The following KPNA4 variants were observed in gnomAD, a reference collection of about 807,000 sequenced individuals.
The protein encoded by KPNA4 is karyopherin subunit alpha 4.
In KPNA4, 13 loss-of-function variants were observed where a neutral mutation model predicts 71.3. The observed-to-expected ratio is 0.18, with a 90% CI of 0.12 to 0.29. The LOEUF is 0.29. Ranked by LOEUF, KPNA4 falls within the 10% of genes least tolerant of loss-of-function variation. KPNA4 has a pLI of 1.00. For synonymous variants in KPNA4, 189 were observed against 195.2 expected (o/e 0.97, Z 0.26); for missense variants, 334 against 603.2 (o/e 0.55, Z 4.67).
chr3:160,502,076 C>A lies in KPNA4; in HGVS notation c.*28G>T. 9.9e-7 allele frequency: 1 copy of A among 1,008,328 alleles called. No homozygotes were observed. The highest frequency in any genetic ancestry group is 1.5e-6 in the Non-Finnish European group (1 of 649,784). The allele number at this position is 1,008,328 out of a possible 1,614,324, so 62.5% of individuals were successfully genotyped here. ...TATATATATATATATCTCAGTGCTG[C>A]ATTGTACCTAACTTCCACAACATCT... is the stretch of plus-strand genomic sequence containing the variant. On this transcript the variant is annotated 3_prime_UTR_variant, in exon 17 of 17. Coordinates refer to ENST00000334256, the MANE Select transcript of KPNA4 (RefSeq NM_002268.5).
chr3:160,497,528 A>G lies in KPNA4; in HGVS notation c.*4576T>C, dbSNP rs767222346. On this transcript the variant is annotated 3_prime_UTR_variant, in exon 17 of 17. Coordinates refer to ENST00000334256, the MANE Select transcript of KPNA4 (RefSeq NM_002268.5). ...TATATATTTAAAAGCATACTTTATT[A>G]ATGTGCTTATTAAAAAGTTTAGGGA... 9 of 152,216 alleles carry G rather than the reference A, an allele frequency of 5.9e-5. No homozygotes were observed. The highest frequency in any genetic ancestry group is 1.2e-4 in the Non-Finnish European group (8 of 68,038). The allele number at this position is 152,216 out of a possible 1,614,324, so 9.4% of individuals were successfully genotyped here.
chr3:160,535,409 A>T (rs933511728), intron 5 of KPNA4, 104 bp downstream of exon 5: 2 of 695,468 alleles, frequency 2.9e-6, no homozygotes, highest in African/African-American at 3.6e-5. Flanking sequence ...ATTGTTTGTC[A>T]TCAAGTTAAA....
intron 1 of KPNA4, among the ~76,000 whole-genome samples, chr3:160,559,311 A>T (rs1262879259): frequency 6.6e-6 from 1 of 152,188 alleles, no homozygotes. Flanking sequence ...TCCCAGAGAA[A>T]GTTAGAATTT....
In KPNA4 at chr3:160,519,231, C is replaced by T. The variant is rs562027761; in HGVS notation, c.903+2548G>A. ...TGAATGTCTTTCCATTTATTTAGGTCTTCTTTAATGTTTTCCAAAAATGTT... is the reference window on the plus strand; with the variant it reads ...TGAATGTCTTTCCATTTATTTAGGTTTTCTTTAATGTTTTCCAAAAATGTT... On this transcript the variant is annotated intron_variant, in intron 11 of 16. Transcript: ENST00000334256. Among the ~76,000 whole-genome samples, 3 of 152,214 alleles carry T rather than the reference C, an allele frequency of 2.0e-5. No individual in the cohort carries two copies. In the East Asian group the frequency reaches 5.8e-4, roughly 29 times the overall value.
In KPNA4 at chr3:160,551,943, G is replaced by T. The variant is rs1047224297; in HGVS notation, c.69+13271C>A. Reference sequence around the variant, plus strand: ...ACTGTTCTTGGTTGTCACAACTGGGGGGGGGGGGGTGATGTGCTACTGACA... The same window carrying T: ...ACTGTTCTTGGTTGTCACAACTGGGTGGGGGGGGGTGATGTGCTACTGACA... On this transcript the variant is annotated intron_variant, in intron 1 of 16. Coordinates refer to ENST00000334256, the MANE Select transcript of KPNA4 (RefSeq NM_002268.5). 8.3e-5 allele frequency among the ~76,000 whole-genome samples: 12 copies of T among 144,932 alleles called. 2 individuals are homozygous for T. The highest frequency in any genetic ancestry group is 2.0e-4 in the East Asian group (1 of 4,978).
Position 160,565,481 on chromosome 3 carries a change from A to C in KPNA4, c.-199T>G, listed in dbSNP as rs1722333627. The C allele has an allele frequency of 8.3e-6, 4 of 480,056 alleles. No individual in the cohort carries two copies. Among genetic ancestry groups the C allele is most frequent in the South Asian group, 2.2e-5 (1 of 44,868 alleles). 29.7% of individuals were successfully genotyped at this position (480,056 alleles called of 1,614,324 possible). On this transcript the variant is annotated 5_prime_UTR_variant, in exon 1 of 17. Coordinates refer to ENST00000334256, the MANE Select transcript of KPNA4 (RefSeq NM_002268.5). ...GCCCCCCCGCCCTAACCCCAGCGCG[A>C]CTGCAGCTCCGGCAAAGACAACTGT...
At chr3:160,557,539 T>C (rs1037718980) in intron 1 of KPNA4, among the ~76,000 whole-genome samples, 2 of 152,248 alleles carry the variant, frequency 1.3e-5, no homozygotes, top group African/African-American at 4.8e-5. Flanking sequence ...AATTCCATGT[T>C]TGTCAAAATA....
At chr3:160,560,993 ACT>A (rs1179219408) in intron 1 of KPNA4, among the ~76,000 whole-genome samples, 1 of 151,790 alleles carries the variant, frequency 6.6e-6, no homozygotes, top group African/African-American at 2.4e-5. Context: ...TTAACAAATC[ACT>A]GAGGCTCTTT....
At chr3:160,557,990 C>T (rs931444557) in intron 1 of KPNA4, among the ~76,000 whole-genome samples, 2 of 152,172 alleles carry the variant, frequency 1.3e-5, no homozygotes, top group Non-Finnish European at 2.9e-5. Flanking sequence ...GAAAGTTTAG[C>T]ATCTTTAATA....
chr3:160,503,607 C>T (rs1454522811), intron 16 of KPNA4, among the ~76,000 whole-genome samples: 1 of 152,132 alleles, frequency 6.6e-6, no homozygotes, highest in Non-Finnish European at 1.5e-5. Flanking sequence ...TATTACAAAC[C>T]TGTAGTGTAC....
At chr3:160,526,823 T>C (rs903284912) in intron 8 of KPNA4, among the ~76,000 whole-genome samples, 2 of 152,238 alleles carry the variant, frequency 1.3e-5, no homozygotes, top group Non-Finnish European at 2.9e-5. Context: ...TTTGCATCTT[T>C]ATATTCATGT....
chr3:160,537,164 T>C (rs1448170103), intron 1 of KPNA4, among the ~76,000 whole-genome samples: 1 of 151,608 alleles, frequency 6.6e-6, no homozygotes, highest in African/African-American at 2.4e-5. Flanking sequence ...ACCCCTCATA[T>C]GAACCGATGA....
chr3:160,527,031 CT>C (rs746982170), intron 8 of KPNA4, among the ~76,000 whole-genome samples: 21 of 152,174 alleles, frequency 1.4e-4, no homozygotes, highest in Non-Finnish European at 2.9e-4. Context: ...CCACTCTTTA[CT>C]TTCATGTTGG....
chr3:160,507,410 G>T (rs1361161210), intron 15 of KPNA4, among the ~76,000 whole-genome samples: 1 of 146,980 alleles, frequency 6.8e-6, no homozygotes, highest in Non-Finnish European at 1.5e-5. Context: ...TGAGGCAGAA[G>T]AATCGCTTGA....
intron 1 of KPNA4, among the ~76,000 whole-genome samples, chr3:160,554,134 T>G (rs1722091757): frequency 6.6e-6 from 1 of 152,250 alleles, no homozygotes; most frequent in Admixed American, 6.5e-5. Flanking sequence ...GACCCCCAAA[T>G]ACTGGAAAGT....
intron 10 of KPNA4, among the ~76,000 whole-genome samples, chr3:160,524,060 G>A (rs1287658064): frequency 6.6e-6 from 1 of 152,106 alleles, no homozygotes; most frequent in Non-Finnish European, 1.5e-5. Context: ...TCACTAATAT[G>A]CTCAGATCAA....
chr3:160,511,256 C>T (rs934949296), intron 13 of KPNA4, among the ~76,000 whole-genome samples: 4 of 152,062 alleles, frequency 2.6e-5, no homozygotes, highest in Admixed American at 2.6e-4. Context: ...CAGGCGCCCA[C>T]CACCATGCCT....
chr3:160,518,870 A>C (rs73023857), intron 11 of KPNA4, among the ~76,000 whole-genome samples: 10,931 of 152,082 alleles, frequency 0.072, 1,281 homozygotes, highest in African/African-American at 0.25. Context: ...CACACACACA[A>C]AAAAAGTAAA....
chr3:160,545,531 A>C (rs1721886240), intron 1 of KPNA4, among the ~76,000 whole-genome samples: 1 of 152,218 alleles, frequency 6.6e-6, no homozygotes, highest in Non-Finnish European at 1.5e-5. Flanking sequence ...TTAAATAAAG[A>C]CCTTGAGAAG....
Sources: gnomAD v4.1 joint callset for allele counts (sites outside exome capture counted in the v4.1 genomes callset) on GRCh38, gnomAD v4.1.1 for gene constraint, MANE v1.5 for transcripts, NCBI Gene and HGNC (gene_info 2026-07-23, HGNC 2026-07-21) for gene names.